PM20D2: variants seen among roughly 807,000 people sequenced by gnomAD.
PM20D2 encodes the protein peptidase M20 domain containing 2, also known as xaa-Arg dipeptidase.
A neutral mutation model predicts 42.9 loss-of-function variants in PM20D2; 33 were observed. The observed-to-expected ratio is 0.77, with a 90% CI of 0.58 to 1.03. PM20D2 has a LOEUF of 1.03. Ranked by LOEUF, PM20D2 falls within the 50% of genes least tolerant of loss-of-function variation. The pLI is 0.00. For synonymous variants in PM20D2, 250 were observed against 228.2 expected (o/e 1.10, Z -0.86); for missense variants, 548 against 557.0 (o/e 0.98, Z 0.16).
the PM20D2 span, among the ~76,000 whole-genome samples, chr6:89,126,770 C>T: frequency 6.6e-6 from 1 of 151,588 alleles, no homozygotes; most frequent in Non-Finnish European, 1.5e-5. Flanking sequence ...TGGCCCAGAC[C>T]ATACTCCCTA....
the PM20D2 span, among the ~76,000 whole-genome samples, chr6:89,103,381 A>T: frequency 6.7e-6 from 1 of 149,506 alleles, no homozygotes; most frequent in Admixed American, 6.7e-5. Context: ...CAGGCTGGAG[A>T]GCAGTGGCGT....
At chr6:89,096,985 T>G in the PM20D2 span, 1 of 152,238 alleles carries the variant, frequency 6.6e-6, no homozygotes, top group Non-Finnish European at 1.5e-5. Context: ...TTGAAATAAA[T>G]TTTGCTATGA....
At chr6:89,156,413 C>A (rs1771050646) in intron 4 of PM20D2, among the ~76,000 whole-genome samples, 1 of 152,150 alleles carries the variant, frequency 6.6e-6, no homozygotes. Context: ...GAGATAATAA[C>A]AATTTATCTT....
intron 1 of PM20D2, 57 bp from the exon 2 acceptor site, chr6:89,149,208 T>G: frequency 1.3e-6 from 2 of 1,567,832 alleles, no homozygotes; most frequent in Non-Finnish European, 1.7e-6. Context: ...TGAACCTGTT[T>G]GATATATTCC....
chr6:89,103,053 T>A, the PM20D2 span, among the ~76,000 whole-genome samples: 1 of 152,106 alleles, frequency 6.6e-6, no homozygotes, highest in African/African-American at 2.4e-5. Context: ...TGTGAGCCAC[T>A]GCACCTGGCC....
the PM20D2 span, among the ~76,000 whole-genome samples, chr6:89,132,795 G>A: frequency 7.3e-5 from 11 of 150,936 alleles, no homozygotes; most frequent in South Asian, 2.1e-4. Context: ...CCGAGATTGC[G>A]TCACTGCACT....
chr6:89,098,468 G>C, the PM20D2 span: 10 of 1,358,456 alleles, frequency 7.4e-6, no homozygotes, highest in South Asian at 1.3e-4. Context: ...TATGCCCAAA[G>C]TAACTAATAT....
At chr6:89,111,232 C>T in the PM20D2 span, among the ~76,000 whole-genome samples, 1 of 152,072 alleles carries the variant, frequency 6.6e-6, no homozygotes, top group African/African-American at 2.4e-5. Flanking sequence ...CCTCAACCTC[C>T]CAAGTAGCTG....
rs537974234 is a variant in PM20D2, at chr6:89,146,080, G to T, written c.-65G>T. The T allele has an allele frequency of 3.1e-5, 41 of 1,324,762 alleles. No individual in the cohort carries two copies. The South Asian group carries it at 6.3e-4, about 20-fold the overall frequency. The allele number at this position is 1,324,762 out of a possible 1,614,324, so 82.1% of individuals were successfully genotyped here. A position where few individuals can be genotyped will look rare whatever the true frequency, so the allele number is the denominator to read the frequency against. On this transcript the variant is annotated 5_prime_UTR_variant, in exon 1 of 7. Transcript: ENST00000275072. ...CTGGAGGCCTCTGGGCGCGTGCGCG[G>T]GCGGTCGCTACCTGCGGCCGAGCCA...
In PM20D2 at chr6:89,146,159, G is replaced by C. The variant is rs778212090; in HGVS notation, c.15G>C (p.Gly5=). MRPG[G]ERPVEGGACN... ...GCTTGGGCAGCATGAGGCCCGGAGG[G>C]GAGCGGCCCGTGGAAGGGGGCGCGT... The change falls in exon 1 of 7, where the codon GGG becomes GGC. Residue 5 remains glycine (G), a synonymous_variant. Transcript: ENST00000275072. 9.3e-6 allele frequency: 14 copies of C among 1,510,696 alleles called. No individual in the cohort carries two copies. Among genetic ancestry groups the C allele is most frequent in the Non-Finnish European group, 1.1e-5 (13 of 1,136,580 alleles). The allele number at this position is 1,510,696 out of a possible 1,614,324, so 93.6% of individuals were successfully genotyped here. A position where few individuals can be genotyped will look rare whatever the true frequency, so the allele number is the denominator to read the frequency against.
chr6:89,121,756 A>C, the PM20D2 span, among the ~76,000 whole-genome samples: 1 of 152,146 alleles, frequency 6.6e-6, no homozygotes, highest in African/African-American at 2.4e-5. Flanking sequence ...TTTACATGAG[A>C]GTTTCATATA....
the PM20D2 span, among the ~76,000 whole-genome samples, chr6:89,100,604 T>C: frequency 2.1e-4 from 31 of 151,100 alleles, no homozygotes; most frequent in Admixed American, 5.9e-4. Context: ...GATTTGGATA[T>C]TGGCATCATC....
chr6:89,102,007 G>C, the PM20D2 span, among the ~76,000 whole-genome samples: 3 of 150,468 alleles, frequency 2.0e-5, no homozygotes, highest in Non-Finnish European at 3.0e-5. Context: ...TGAGCTGAAA[G>C]AGGAAAAAAA....
At chr6:89,107,667 T>C in the PM20D2 span, among the ~76,000 whole-genome samples, 19 of 151,586 alleles carry the variant, frequency 1.3e-4, no homozygotes, top group African/African-American at 2.9e-4. Flanking sequence ...CATGGGGAGG[T>C]TGAGGCTGCA....
the PM20D2 span, among the ~76,000 whole-genome samples, chr6:89,123,531 G>A: frequency 6.6e-6 from 1 of 150,538 alleles, no homozygotes; most frequent in African/African-American, 2.5e-5. Flanking sequence ...GACTAGTCTG[G>A]GCAACATACG....
the PM20D2 span, among the ~76,000 whole-genome samples, chr6:89,121,585 C>A: frequency 6.6e-6 from 1 of 152,158 alleles, no homozygotes; most frequent in Admixed American, 6.5e-5. Context: ...AACTTAAGTG[C>A]CATTTAACAA....
the PM20D2 span, among the ~76,000 whole-genome samples, chr6:89,111,214 T>C: frequency 6.6e-6 from 1 of 152,016 alleles, no homozygotes; most frequent in Non-Finnish European, 1.5e-5. Context: ...GTTCAAGCTA[T>C]TCTCGTGCCT....
chr6:89,106,182 G>T, the PM20D2 span, among the ~76,000 whole-genome samples: 1 of 152,062 alleles, frequency 6.6e-6, no homozygotes, highest in Non-Finnish European at 1.5e-5. Context: ...GTGCAATGGC[G>T]CGATCTCAGC....
At position 89,146,478 on chromosome 6, in the gene PM20D2, T is replaced by C. The variant is rs901856986; in HGVS notation, c.334T>C (p.Cys112Arg). The C allele has an allele frequency of 2.0e-6, 3 of 1,524,076 alleles. No individual in the cohort carries two copies. Among genetic ancestry groups the C allele is most frequent in the Non-Finnish European group, 1.7e-6 (2 of 1,143,040 alleles). 94.4% of individuals were successfully genotyped at this position (1,524,076 alleles called of 1,614,324 possible). A position where few individuals can be genotyped will look rare whatever the true frequency, so the allele number is the denominator to read the frequency against. ...ACGCCCGCTGCACCTGGGCTTCCTC[T>C]GCGAGTACGACGCGCTGCCCGGCAT... The part of the protein sequence containing the change: ...TPRPLHLGFL[C>R]EYDALPGIGH... Residue 112 changes from cysteine (C) to arginine (R), a missense_variant, in exon 1 of 7, where the codon TGC becomes CGC. Physicochemically the swap from Cys to Arg is radical, Grantham distance 180. Coordinates refer to ENST00000275072, the MANE Select transcript of PM20D2 (RefSeq NM_001010853.3).
Sources: allele counts gnomAD v4.1 joint callset (sites outside exome capture counted in the v4.1 genomes callset), GRCh38; gene constraint gnomAD v4.1.1; transcripts MANE v1.5; gene names NCBI Gene and HGNC (gene_info 2026-07-23, HGNC 2026-07-21).